Variants in CDKAL1 observed in about 807,000 individuals in gnomAD.
CDKAL1 encodes the protein threonylcarbamoyladenosine tRNA methylthiotransferase.
Under a neutral mutation model 68.2 loss-of-function variants are expected in CDKAL1, and 32 were observed. The ratio of observed to expected loss-of-function variants is 0.47; its 90% confidence interval spans 0.35 to 0.63. The LOEUF (loss-of-function observed/expected upper bound fraction) is 0.63. Ranked by LOEUF, CDKAL1 falls within the 30% of genes least tolerant of loss-of-function variation. CDKAL1 has a pLI of 0.00. For missense variants in CDKAL1, 606 were observed against 696.7 expected (o/e 0.87, Z 1.47); for synonymous variants, 234 against 244.3 (o/e 0.96, Z 0.39).
At chr6:21,088,411 C>T (rs1772818821) in intron 12 of CDKAL1, among the ~76,000 whole-genome samples, 6 of 152,048 alleles carry the variant, frequency 3.9e-5, no homozygotes. Flanking sequence ...AATTGGTTTT[C>T]GGTTGTCATT....
At chr6:21,128,776 A>G (rs759504780) in intron 13 of CDKAL1, among the ~76,000 whole-genome samples, 1 of 152,240 alleles carries the variant, frequency 6.6e-6, no homozygotes, top group Non-Finnish European at 1.5e-5. Context: ...AGCAGAAAGT[A>G]TATCATTCAA....
chr6:20,955,755 G>A (rs776931662), intron 10 of CDKAL1, among the ~76,000 whole-genome samples, 170 bp downstream of exon 10: 16 of 151,984 alleles, frequency 1.1e-4, no homozygotes, highest in Non-Finnish European at 1.8e-4. Flanking sequence ...TTCTTTGGCA[G>A]GCAACACTTT....
chr6:20,936,414 C>T (rs895720300), intron 9 of CDKAL1, among the ~76,000 whole-genome samples: 11 of 150,830 alleles, frequency 7.3e-5, no homozygotes, highest in Non-Finnish European at 1.6e-4. Flanking sequence ...CTACGCCCGG[C>T]TAATTTTTTG....
At position 21,016,129 on chromosome 6, in the gene CDKAL1, CATATATATGTGT is replaced by C. The variant is rs532818305; in HGVS notation, c.1055+15778_1055+15789del. On this transcript the variant is annotated intron_variant, in intron 11 of 15. Transcript: ENST00000274695. ...TATTGAACACTTAGAATGTATGAGT[CATATATATGTGT>C]ATATATATGTGTATATATATATATA... Among the ~76,000 whole-genome samples, 424 of 146,644 alleles carry C rather than the reference CATATATATGTGT, an allele frequency of 2.9e-3. 4 individuals are homozygous for C. The highest frequency in any genetic ancestry group is 0.01 in the African/African-American group (399 of 39,460).
At chr6:20,880,362 TC>T (rs1760747532) in intron 9 of CDKAL1, among the ~76,000 whole-genome samples, 1 of 152,094 alleles carries the variant, frequency 6.6e-6, no homozygotes, top group South Asian at 2.1e-4. Flanking sequence ...TTCAAGCTAT[TC>T]CCCAGCCTCA....
At position 20,578,765 on chromosome 6, in the gene CDKAL1, A is replaced by G. The variant is rs540248427; in HGVS notation, c.286+30060A>G. On this transcript the variant is annotated intron_variant, in intron 4 of 15. Transcript: ENST00000274695. ...TGTTCGGTGAAAGCATTGACATCTG[A>G]TGAAGAAGTTGACTTGGTGTTTGAC... Among the ~76,000 whole-genome samples, 4 of 152,334 alleles carry G rather than the reference A, an allele frequency of 2.6e-5. No homozygotes were observed. The South Asian group carries it at 8.3e-4, about 32-fold the overall frequency.
At chr6:20,556,761 G>A (rs182358088) in intron 4 of CDKAL1, among the ~76,000 whole-genome samples, 2 of 152,262 alleles carry the variant, frequency 1.3e-5, no homozygotes, top group Non-Finnish European at 2.9e-5. Context: ...ACATAGGCCA[G>A]GTGTGGTGAC....
intron 4 of CDKAL1, among the ~76,000 whole-genome samples, chr6:20,625,251 T>G (rs147469127): frequency 5.3e-5 from 8 of 152,248 alleles, no homozygotes; most frequent in African/African-American, 1.9e-4. Context: ...AAACTTCTTT[T>G]GAGTAGATGA....
intron 9 of CDKAL1, among the ~76,000 whole-genome samples, chr6:20,885,842 G>C (rs545604726): frequency 1.3e-5 from 2 of 152,162 alleles, no homozygotes; most frequent in South Asian, 4.1e-4. Context: ...AGCACTTTGG[G>C]AGGCCGAGGT....
intron 10 of CDKAL1, among the ~76,000 whole-genome samples, chr6:20,959,638 A>G (rs1764956903): frequency 6.6e-6 from 1 of 151,570 alleles, no homozygotes; most frequent in Non-Finnish European, 1.5e-5. Context: ...GTTGGTAGTA[A>G]TGTGTTAATC....
intron 15 of CDKAL1, among the ~76,000 whole-genome samples, chr6:21,220,722 T>C (rs1056941332): frequency 6.6e-6 from 1 of 152,206 alleles, no homozygotes; most frequent in African/African-American, 2.4e-5. Flanking sequence ...GGTATTCAGA[T>C]AGAAGCCCAC....
At chr6:20,893,968 A>G (rs931526526) in intron 9 of CDKAL1, among the ~76,000 whole-genome samples, 1 of 152,240 alleles carries the variant, frequency 6.6e-6, no homozygotes, top group African/African-American at 2.4e-5. Flanking sequence ...TCCTTGTCGA[A>G]GCATTCAAAT....
At chr6:20,642,553 C>A (rs1046304281) in intron 4 of CDKAL1, among the ~76,000 whole-genome samples, 1 of 150,602 alleles carries the variant, frequency 6.6e-6, no homozygotes, top group African/African-American at 2.4e-5. Flanking sequence ...AAGAAAAATG[C>A]ATGTTACACC....
chr6:20,707,959 A>G (rs1282193043), intron 5 of CDKAL1, among the ~76,000 whole-genome samples: 2 of 151,912 alleles, frequency 1.3e-5, no homozygotes, highest in Non-Finnish European at 2.9e-5. Flanking sequence ...TGGACCTGTG[A>G]TCTAAACTCT....
chr6:20,879,056 G>GGCCGGGCGCGGTGGC (rs1760684386), intron 9 of CDKAL1, among the ~76,000 whole-genome samples: 1 of 151,926 alleles, frequency 6.6e-6, no homozygotes, highest in African/African-American at 2.4e-5. Context: ...TCCAGCCTGG[G>GGCCGGGCGCGGTGGC]TGACAGAGCA....
intron 13 of CDKAL1, among the ~76,000 whole-genome samples, chr6:21,191,986 A>ATTTTTTT (rs1562104779): frequency 4.3e-5 from 1 of 23,334 alleles, no homozygotes; most frequent in Admixed American, 4.7e-4. Context: ...TTTATAATTC[A>ATTTTTTT]TTTTTCTTTT....
intron 5 of CDKAL1, among the ~76,000 whole-genome samples, chr6:20,679,463 CT>C (rs1268452243): frequency 3.3e-5 from 5 of 152,288 alleles, no homozygotes; most frequent in African/African-American, 9.6e-5. Context: ...ATATTCCCCC[CT>C]GTATTTTAGT....
chr6:20,684,676 A>G (rs573339908), intron 5 of CDKAL1, among the ~76,000 whole-genome samples: 42 of 152,250 alleles, frequency 2.8e-4, no homozygotes, highest in Admixed American at 6.5e-4. Flanking sequence ...ATCCTTGCCA[A>G]CATTTGGTGT....
intron 11 of CDKAL1, among the ~76,000 whole-genome samples, chr6:21,003,527 C>T (rs1227200379): frequency 6.7e-6 from 1 of 150,374 alleles, no homozygotes; most frequent in Non-Finnish European, 1.5e-5. Context: ...GATCGTGCCA[C>T]TGCACTCCAG....
Sources: gnomAD v4.1 joint callset for allele counts (sites outside exome capture counted in the v4.1 genomes callset) on GRCh38, gnomAD v4.1.1 for gene constraint, MANE v1.5 for transcripts, NCBI Gene and HGNC (gene_info 2026-07-23, HGNC 2026-07-21) for gene names.